Variants in PLXNA2 observed in about 807,000 individuals in gnomAD.
PLXNA2 encodes the protein plexin-A2.
Under a neutral mutation model 193.5 loss-of-function variants are expected in PLXNA2, and 91 were observed. That is an observed-to-expected ratio of 0.47 (90% CI 0.40 to 0.56). The LOEUF is 0.56. Ranked by LOEUF, PLXNA2 falls within the 20% of genes least tolerant of loss-of-function variation. The pLI is 0.00. For missense variants in PLXNA2, 1,995 were observed against 2,503.2 expected (o/e 0.80, Z 4.33); for synonymous variants, 997 against 1,027.3 (o/e 0.97, Z 0.56).
intron 3 of PLXNA2, among the ~76,000 whole-genome samples, chr1:208,148,773 C>CG (rs1004749004): frequency 2.0e-5 from 3 of 152,248 alleles, no homozygotes; most frequent in Admixed American, 2.0e-4. Context: ...GAGACCAGCA[C>CG]GGGGGGCGGA....
At chr1:208,179,623 G>A (rs1669773758) in intron 3 of PLXNA2, among the ~76,000 whole-genome samples, 1 of 152,166 alleles carries the variant, frequency 6.6e-6, no homozygotes, top group Admixed American at 6.5e-5. Flanking sequence ...CACAGGGTGG[G>A]GCAGATGAGG....
intron 4 of PLXNA2, among the ~76,000 whole-genome samples, chr1:208,113,940 G>T (rs572396781): frequency 1.3e-5 from 2 of 152,260 alleles, no homozygotes; most frequent in African/African-American, 4.8e-5. Context: ...TCAGGGGAAG[G>T]AGCCCAAGAA....
At position 208,030,472 on chromosome 1, in the gene PLXNA2, AG is replaced by A. The variant is rs764292524; in HGVS notation, c.5225+1117del. 9.9e-3 allele frequency: 9,802 copies of A among 985,306 alleles called. 58 individuals carry two copies. The highest frequency in any genetic ancestry group is 0.035 in the South Asian group (746 of 21,262). 61.0% of individuals were successfully genotyped at this position (985,306 alleles called of 1,614,324 possible). On this transcript the variant is annotated intron_variant, in intron 29 of 31. Coordinates refer to ENST00000367033, the MANE Select transcript of PLXNA2 (RefSeq NM_025179.4). ...GTGCTGTCCAGGGAATGCAGATGGA[AG>A]GCCTGTCCTGGCAAAGTGGACTGTG...
At chr1:208,207,142 A>T (rs529628087) in intron 3 of PLXNA2, among the ~76,000 whole-genome samples, 1 of 152,318 alleles carries the variant, frequency 6.6e-6, no homozygotes, top group African/African-American at 2.4e-5. Context: ...AGTGGCTGGG[A>T]CTACAGGCAT....
Position 208,028,736 on chromosome 1 carries a change from A to T in PLXNA2, c.5438+94T>A. The T allele has an allele frequency of 8.6e-7, 1 of 1,161,690 alleles. No individual in the cohort carries two copies. Among genetic ancestry groups the T allele is most frequent in the Non-Finnish European group, 1.2e-6 (1 of 808,478 alleles). 72.0% of individuals were successfully genotyped at this position (1,161,690 alleles called of 1,614,324 possible). A position where few individuals can be genotyped will look rare whatever the true frequency, so the allele number is the denominator to read the frequency against. On this transcript the variant is annotated intron_variant, in intron 30 of 31. Transcript: ENST00000367033. This position sits in a 1 kb window ranked among gnomAD's most constrained non-coding sequence, Gnocchi z 4.2. ...GTGGGAGGTCCTGAAGAGATGACAG[A>T]CACCGTCGTCTGAGTCCTTAGTCAG...
intron 4 of PLXNA2, among the ~76,000 whole-genome samples, chr1:208,117,119 C>T (rs777873396): frequency 3.1e-4 from 47 of 152,150 alleles, no homozygotes; most frequent in Middle Eastern, 3.4e-3. Flanking sequence ...TGCAGTGAGC[C>T]GGGATCACAC....
chr1:208,156,580 T>C (rs1018300370), intron 3 of PLXNA2, among the ~76,000 whole-genome samples: 19 of 152,238 alleles, frequency 1.2e-4, no homozygotes, highest in African/African-American at 4.6e-4. Flanking sequence ...ACGAGTCAGT[T>C]TGATTATAAA....
At chr1:208,069,393 C>T (rs1165312214) in intron 12 of PLXNA2, among the ~76,000 whole-genome samples, 2 of 152,200 alleles carry the variant, frequency 1.3e-5, no homozygotes, top group African/African-American at 2.4e-5. Context: ...TGTTTTCCTC[C>T]GTGGGTGCCA....
At chr1:208,152,163 C>A (rs1250050497) in intron 3 of PLXNA2, among the ~76,000 whole-genome samples, 1 of 152,332 alleles carries the variant, frequency 6.6e-6, no homozygotes, top group East Asian at 1.9e-4. Context: ...GCATTTCCAG[C>A]TGTAGGGATG....
At chr1:208,225,929 T>C (rs983219533) in intron 1 of PLXNA2, among the ~76,000 whole-genome samples, 1 of 152,226 alleles carries the variant, frequency 6.6e-6, no homozygotes, top group African/African-American at 2.4e-5. Context: ...TGGTCTGTGA[T>C]ACTTTGTTAC....
chr1:208,065,267 C>A (rs890753929), intron 12 of PLXNA2, among the ~76,000 whole-genome samples: 1 of 152,142 alleles, frequency 6.6e-6, no homozygotes, highest in Non-Finnish European at 1.5e-5. Context: ...TGGCTACAGT[C>A]GGATAGGGAA....
At chr1:208,039,050 G>A (rs1374976226) in intron 24 of PLXNA2, 66 bp from the exon 25 acceptor site, 5 of 1,475,708 alleles carry the variant, frequency 3.4e-6, no homozygotes, top group African/African-American at 1.4e-5. Flanking sequence ...GAGAGGGTCA[G>A]GACCTCAGAA....
At chr1:208,193,296 T>C (rs1180561753) in intron 3 of PLXNA2, among the ~76,000 whole-genome samples, 2 of 152,216 alleles carry the variant, frequency 1.3e-5, no homozygotes, top group Non-Finnish European at 2.9e-5. Flanking sequence ...TACTCCCTCA[T>C]AGCCCTAGGG....
Position 208,235,434 on chromosome 1 carries a change from A to G in PLXNA2, c.-81+8209T>C, listed in dbSNP as rs187860414. Among the ~76,000 whole-genome samples the G allele has an allele frequency of 2.6e-3, 402 of 152,316 alleles. 2 individuals carry two copies. The highest frequency in any genetic ancestry group is 9.0e-3 in the African/African-American group (374 of 41,568). On this transcript the variant is annotated intron_variant, in intron 1 of 31. Coordinates refer to ENST00000367033, the MANE Select transcript of PLXNA2 (RefSeq NM_025179.4). ...CACTTGTCGTTTTTCCAACTTTCCT[A>G]ACACCCTCTTCCCGGGCCTGGCTCC...
chr1:208,158,734 A>G (rs1187096338), intron 3 of PLXNA2, among the ~76,000 whole-genome samples: 1 of 152,240 alleles, frequency 6.6e-6, no homozygotes, highest in African/African-American at 2.4e-5. Context: ...AACACTATGC[A>G]GGAAGCTGCG....
intron 3 of PLXNA2, among the ~76,000 whole-genome samples, chr1:208,179,636 C>A (rs1415023526): frequency 6.6e-6 from 1 of 152,160 alleles, no homozygotes; most frequent in Non-Finnish European, 1.5e-5. Flanking sequence ...AGATGAGGGC[C>A]CTGGAGGCTC....
intron 9 of PLXNA2, among the ~76,000 whole-genome samples, chr1:208,090,635 G>C (rs11118982): frequency 6.6e-6 from 1 of 151,918 alleles, no homozygotes; most frequent in African/African-American, 2.4e-5. Context: ...GCTGCAGGTC[G>C]CTTTCAGGCT....
chr1:208,180,439 A>T (rs1669805374), intron 3 of PLXNA2, among the ~76,000 whole-genome samples: 1 of 152,168 alleles, frequency 6.6e-6, no homozygotes, highest in African/African-American at 2.4e-5. Context: ...TGGCTGTGGC[A>T]GTGGCAGTGG....
At chr1:208,065,557 T>C (rs544514225) in intron 12 of PLXNA2, among the ~76,000 whole-genome samples, 1 of 152,302 alleles carries the variant, frequency 6.6e-6, no homozygotes, top group African/African-American at 2.4e-5. Context: ...TCTGTCTTCC[T>C]AGATGACTAA....
Sources: gnomAD v4.1 joint callset for allele counts (sites outside exome capture counted in the v4.1 genomes callset) on GRCh38, gnomAD v4.1.1 for gene constraint, Gnocchi (gnomAD v3.1) non-coding constraint, MANE v1.5 for transcripts, NCBI Gene and HGNC (gene_info 2026-07-23, HGNC 2026-07-21) for gene names.